The following KCNIP1 variants were observed in gnomAD, a reference collection of about 807,000 sequenced individuals.
KCNIP1 encodes the protein potassium voltage-gated channel interacting protein 1, also known as A-type potassium channel modulatory protein KCNIP1.
KCNIP1 carries 18 observed loss-of-function variants against 33.0 expected under a neutral mutation model. The ratio of observed to expected loss-of-function variants is 0.55; its 90% CI spans 0.38 to 0.81. The LOEUF is 0.81. KCNIP1 is among the 30% of genes least tolerant of loss of function. The probability of loss-of-function intolerance (pLI) is 0.00; values close to 1 mark genes in which losing one functional copy is unlikely to be tolerated. For missense variants in KCNIP1, 238 were observed against 271.6 expected (o/e 0.88, Z 0.87); for synonymous variants, 93 against 98.3 (o/e 0.95, Z 0.32).
chr5:170,354,766 AG>A (rs1177891587), intron 1 of KCNIP1, among the ~76,000 whole-genome samples: 56 of 152,370 alleles, frequency 3.7e-4, no homozygotes, highest in Middle Eastern at 3.4e-3. Context: ...ACTTGGCACC[AG>A]GGAAGGTGAG....
chr5:170,470,110 C>A (rs992292680), intron 1 of KCNIP1, among the ~76,000 whole-genome samples: 17 of 152,232 alleles, frequency 1.1e-4, no homozygotes, highest in Admixed American at 9.8e-4. Context: ...ACTAGCTGCC[C>A]GTCTTTGAAT....
chr5:170,402,985 C>T (rs1226134452), intron 1 of KCNIP1, among the ~76,000 whole-genome samples: 1 of 152,226 alleles, frequency 6.6e-6, no homozygotes, highest in African/African-American at 2.4e-5. Flanking sequence ...AGGTGCCCCT[C>T]GTTCACGTAC....
chr5:170,634,200 G>A (rs933527119), intron 1 of KCNIP1, among the ~76,000 whole-genome samples: 1 of 152,324 alleles, frequency 6.6e-6, no homozygotes, highest in Non-Finnish European at 1.5e-5. Flanking sequence ...GGTAGAGTGA[G>A]GAAATATCGG....
chr5:170,478,242 AC>A (rs767861868), intron 1 of KCNIP1, among the ~76,000 whole-genome samples: 1 of 152,204 alleles, frequency 6.6e-6, no homozygotes, highest in Non-Finnish European at 1.5e-5. Context: ...TTCATTTGAT[AC>A]CTTTTGTAAG....
intron 1 of KCNIP1, among the ~76,000 whole-genome samples, chr5:170,540,461 A>G (rs1412697354): frequency 3.3e-5 from 5 of 152,208 alleles, no homozygotes; most frequent in Admixed American, 3.3e-4. Flanking sequence ...CAGCCCTGCT[A>G]TGTGGATCTT....
At chr5:170,540,852 G>A (rs1316093177) in intron 1 of KCNIP1, among the ~76,000 whole-genome samples, 1 of 152,158 alleles carries the variant, frequency 6.6e-6, no homozygotes, top group Admixed American at 6.5e-5. Context: ...ACTTCCCCTG[G>A]TAGAGAAGGT....
At chr5:170,411,101 G>T (rs1755175727) in intron 1 of KCNIP1, among the ~76,000 whole-genome samples, 1 of 152,238 alleles carries the variant, frequency 6.6e-6, no homozygotes, top group Non-Finnish European at 1.5e-5. Context: ...GCTCTATGTT[G>T]CCCTCAAGGA....
At chr5:170,577,984 C>G (rs1022287216) in intron 1 of KCNIP1, among the ~76,000 whole-genome samples, 2 of 152,202 alleles carry the variant, frequency 1.3e-5, no homozygotes, top group African/African-American at 4.8e-5. Flanking sequence ...CAATGAACAA[C>G]TTTGAACTAC....
At chr5:170,681,679 A>G (rs78151838) in intron 1 of KCNIP1, among the ~76,000 whole-genome samples, 9,801 of 152,310 alleles carry the variant, frequency 0.064, 375 homozygotes, top group Middle Eastern at 0.11. Context: ...TTCTTTGCTC[A>G]ACCCTTATAA....
At chr5:170,360,566 C>G (rs1763481274) in intron 1 of KCNIP1, among the ~76,000 whole-genome samples, 1 of 152,238 alleles carries the variant, frequency 6.6e-6, no homozygotes, top group Non-Finnish European at 1.5e-5. Context: ...AGAAACAAGG[C>G]TGAGCCTCTG....
intron 1 of KCNIP1, among the ~76,000 whole-genome samples, chr5:170,356,936 C>T (rs1763364432): frequency 6.6e-6 from 1 of 152,128 alleles, no homozygotes; most frequent in Admixed American, 6.5e-5. Flanking sequence ...CTCCAGCCTG[C>T]GTGAGCCTCC....
chr5:170,635,515 C>T (rs1210552382), intron 1 of KCNIP1, among the ~76,000 whole-genome samples: 1 of 152,150 alleles, frequency 6.6e-6, no homozygotes, highest in African/African-American at 2.4e-5. Flanking sequence ...CTGTTTATTT[C>T]CTGTTTACAT....
chr5:170,550,029 G>A (rs145140523), intron 1 of KCNIP1, among the ~76,000 whole-genome samples: 1 of 152,280 alleles, frequency 6.6e-6, no homozygotes, highest in East Asian at 1.9e-4. Context: ...CATGGAGCTT[G>A]TAGGAGCATT....
chr5:170,643,336 G>C (rs1162223705), intron 1 of KCNIP1, among the ~76,000 whole-genome samples: 2 of 152,258 alleles, frequency 1.3e-5, no homozygotes, highest in African/African-American at 4.8e-5. Flanking sequence ...AGAACTGTAA[G>C]AGAATACATT....
At chr5:170,491,214 G>A (rs2113200451) in intron 1 of KCNIP1, among the ~76,000 whole-genome samples, 1 of 152,328 alleles carries the variant, frequency 6.6e-6, no homozygotes, top group South Asian at 2.1e-4. Flanking sequence ...TGCAACAGGG[G>A]CAGGCACAGG....
intron 1 of KCNIP1, among the ~76,000 whole-genome samples, chr5:170,430,267 T>G (rs1297462969): frequency 6.6e-6 from 1 of 152,200 alleles, no homozygotes. Context: ...ACCATGCCAG[T>G]GCATGCTGAA....
intron 1 of KCNIP1, among the ~76,000 whole-genome samples, chr5:170,543,851 A>G (rs1478086755): frequency 6.6e-6 from 1 of 152,202 alleles, no homozygotes; most frequent in South Asian, 2.1e-4. Flanking sequence ...AAAGATTTGC[A>G]CTTTTCCTCT....
chr5:170,353,858 C>T, exon 1 of KCNIP1: 1 of 1,612,628 alleles, frequency 6.2e-7, no homozygotes, highest in East Asian at 2.2e-5. Context: ...ACAGCAGAGC[C>T]TGGCTCCCCT....
At chr5:170,567,895 G>A (rs1472988352) in intron 1 of KCNIP1, among the ~76,000 whole-genome samples, 2 of 152,214 alleles carry the variant, frequency 1.3e-5, no homozygotes, top group Non-Finnish European at 2.9e-5. Context: ...TCATTAAAGA[G>A]CTGCCCTGGG....
Sources: allele counts gnomAD v4.1 joint callset (sites outside exome capture counted in the v4.1 genomes callset), GRCh38; gene constraint gnomAD v4.1.1; transcripts MANE v1.5; gene names NCBI Gene and HGNC (gene_info 2026-07-23, HGNC 2026-07-21).